Variants in SOX5 observed in about 807,000 individuals in gnomAD.
The protein encoded by SOX5 is SRY-box transcription factor 5.
SOX5 carries 9 observed loss-of-function variants against 92.0 expected under a neutral mutation model. That is an observed-to-expected ratio of 0.10 (90% CI 0.06 to 0.17). The LOEUF (loss-of-function observed/expected upper bound fraction) is 0.17. Among genes scored for constraint, SOX5 ranks in the 10% least tolerant of loss-of-function variants. The pLI is 1.00. For synonymous variants in SOX5, 344 were observed against 336.3 expected (o/e 1.02, Z -0.25); for missense variants, 642 against 944.5 (o/e 0.68, Z 4.20).
intron 4 of SOX5, among the ~76,000 whole-genome samples, chr12:24,107,581 T>C (rs1946833628): frequency 6.6e-6 from 1 of 152,136 alleles, no homozygotes; most frequent in Non-Finnish European, 1.5e-5. Context: ...ACAGCCTTAG[T>C]GTTTCATTGG....
At chr12:23,588,612 A>G (rs4357783) in intron 9 of SOX5, among the ~76,000 whole-genome samples, 140,415 of 151,890 alleles carry the variant, frequency 0.92, 65,932 homozygotes, top group East Asian at 1. Context: ...TAAAGAGACA[A>G]AATGAGTATA....
intron 4 of SOX5, among the ~76,000 whole-genome samples, chr12:24,116,973 C>CAAAAAAA (rs3031105): frequency 7.9e-6 from 1 of 126,856 alleles, no homozygotes; most frequent in Non-Finnish European, 1.7e-5. Flanking sequence ...TCTAAAAATG[C>CAAAAAAA]AAAAAAAAAA....
chr12:23,626,712 G>A (rs2077863779), intron 8 of SOX5, among the ~76,000 whole-genome samples: 1 of 133,296 alleles, frequency 7.5e-6, no homozygotes, highest in Non-Finnish European at 1.5e-5. Flanking sequence ...TTCTCCATGA[G>A]ATATAGGTAG....
At chr12:24,120,930 T>C (rs1021803512) in intron 4 of SOX5, among the ~76,000 whole-genome samples, 1 of 152,116 alleles carries the variant, frequency 6.6e-6, no homozygotes, top group African/African-American at 2.4e-5. Flanking sequence ...TGAGAAAAAT[T>C]TACAGTCCTT....
chr12:23,804,974 T>TTATA (rs2095742962), intron 3 of SOX5, among the ~76,000 whole-genome samples: 1 of 107,056 alleles, frequency 9.3e-6, no homozygotes, highest in Admixed American at 1.1e-4. Flanking sequence ...TATATTCCTT[T>TTATA]AAAAAATCTT....
chr12:23,547,546 G>C (rs558256207), intron 11 of SOX5, among the ~76,000 whole-genome samples: 7 of 152,024 alleles, frequency 4.6e-5, no homozygotes, highest in South Asian at 2.1e-4. Flanking sequence ...GAACTAATGA[G>C]ATATTGAAAT....
chr12:24,443,424 T>C (rs1482630317), intron 1 of SOX5, among the ~76,000 whole-genome samples: 1 of 152,190 alleles, frequency 6.6e-6, no homozygotes, highest in Non-Finnish European at 1.5e-5. Context: ...AAATCGCTGA[T>C]TGAATTCATG....
intron 2 of SOX5, among the ~76,000 whole-genome samples, chr12:24,349,156 G>A (rs775874300): frequency 5.9e-5 from 9 of 152,132 alleles, no homozygotes; most frequent in African/African-American, 1.9e-4. Flanking sequence ...GGCTTTTGAC[G>A]GAGCTGGCTT....
Position 23,631,609 on chromosome 12 carries a change from G to T in SOX5, c.1017+9203C>A, listed in dbSNP as rs139875176. ...ACATGTTTTGATTAAGATAACACAG[G>T]ATACTATCAAGGAATGGGCATGGAC... On this transcript the variant is annotated intron_variant, in intron 8 of 14. Coordinates refer to ENST00000451604, the MANE Select transcript of SOX5 (RefSeq NM_006940.6). Among the ~76,000 whole-genome samples the T allele has an allele frequency of 7.8e-4, 119 of 152,114 alleles. 1 individual carries two copies. The highest frequency in any genetic ancestry group is 2.7e-3 in the African/African-American group (113 of 41,536).
chr12:23,936,333 T>C (rs1214149557), intron 1 of SOX5, among the ~76,000 whole-genome samples: 1 of 151,002 alleles, frequency 6.6e-6, no homozygotes, highest in African/African-American at 2.4e-5. Context: ...TAATTTCCCA[T>C]TTCAAATATA....
chr12:23,682,495 T>C (rs13378042), intron 6 of SOX5, among the ~76,000 whole-genome samples: 29 of 151,842 alleles, frequency 1.9e-4, no homozygotes, highest in African/African-American at 7.0e-4. Flanking sequence ...CTGTGTTTGT[T>C]CTCATTAATG....
intron 2 of SOX5, among the ~76,000 whole-genome samples, chr12:24,344,281 CAAAAAAAAAAAAA>C (rs61660537): frequency 0.18 from 19,196 of 104,978 alleles, 1,892 homozygotes; most frequent in East Asian, 0.45. Context: ...GACTCTGTCT[CAAAAAAAAAAAAA>C]AAAAAAAAAA....
At chr12:23,840,501 AG>A (rs1348615450) in intron 3 of SOX5, among the ~76,000 whole-genome samples, 1 of 152,156 alleles carries the variant, frequency 6.6e-6, no homozygotes, top group East Asian at 1.9e-4. Flanking sequence ...CTACAAGAAA[AG>A]GTAACAGACC....
intron 4 of SOX5, among the ~76,000 whole-genome samples, chr12:24,202,874 G>A (rs1957661951): frequency 6.6e-6 from 1 of 152,070 alleles, no homozygotes; most frequent in African/African-American, 2.4e-5. Context: ...TGTCTGCCAG[G>A]TTTTTCCACT....
At chr12:24,446,572 G>A (rs1941505836) in intron 1 of SOX5, among the ~76,000 whole-genome samples, 1 of 152,180 alleles carries the variant, frequency 6.6e-6, no homozygotes, top group African/African-American at 2.4e-5. Context: ...CCAACATGGG[G>A]AAGAGTGACA....
intron 4 of SOX5, among the ~76,000 whole-genome samples, chr12:24,055,380 A>C (rs557147757): frequency 6.6e-6 from 1 of 152,374 alleles, no homozygotes; most frequent in African/African-American, 2.4e-5. Flanking sequence ...GCTACCGGTC[A>C]ACAGTCTATA....
intron 1 of SOX5, among the ~76,000 whole-genome samples, chr12:24,384,379 C>T (rs1455911890): frequency 2.6e-5 from 4 of 151,796 alleles, no homozygotes; most frequent in Non-Finnish European, 5.9e-5. Flanking sequence ...TAATAGGTCA[C>T]GGACTGATAC....
chr12:23,999,483 T>A (rs951857549), intron 4 of SOX5, among the ~76,000 whole-genome samples: 39 of 152,204 alleles, frequency 2.6e-4, no homozygotes, highest in African/African-American at 8.9e-4. Flanking sequence ...GGTAATAATC[T>A]GAGGTGATAG....
intron 2 of SOX5, among the ~76,000 whole-genome samples, chr12:23,863,002 GAT>G (rs1336087355): frequency 4.6e-5 from 7 of 152,140 alleles, no homozygotes; most frequent in Non-Finnish European, 1.0e-4. Flanking sequence ...TAGTAGACAG[GAT>G]AAGAATTTGA....
Sources: allele counts gnomAD v4.1 joint callset (sites outside exome capture counted in the v4.1 genomes callset), GRCh38; gene constraint gnomAD v4.1.1; transcripts MANE v1.5; gene names NCBI Gene and HGNC (gene_info 2026-07-23, HGNC 2026-07-21).